The following TNXB variants were observed in gnomAD, a reference collection of about 807,000 sequenced individuals.
TNXB encodes tenascin-X.
A neutral mutation model predicts 340.5 loss-of-function variants in TNXB; 183 were observed. The ratio of observed to expected loss-of-function variants is 0.54; its 90% CI spans 0.48 to 0.61. The LOEUF is 0.61. TNXB is among the 20% of genes least tolerant of loss of function. The pLI is 0.00. For synonymous variants in TNXB, 2,121 were observed against 2,314.5 expected (o/e 0.92, Z 2.40); for missense variants, 4,613 against 5,446.4 (o/e 0.85, Z 4.82).
chr6:32,096,254 ACGG>A lies in TNXB; in HGVS notation c.1596_1598del (p.Arg533del). On this transcript the variant is annotated inframe_deletion, in exon 3 of 44. Transcript: ENST00000644971. ...CGCCATCCTCGCAAAGGCCGTGCCC[ACGG>A]CAGTCCCCGGGACAGCGACGGCTCC... 6.4e-7 allele frequency: 1 copy of A among 1,566,506 alleles called. No individual in the cohort carries two copies. Among genetic ancestry groups the A allele is most frequent in the East Asian group, 2.4e-5 (1 of 42,212 alleles).
chr6:32,089,117 G>A lies in TNXB; in HGVS notation c.2516-69C>T, dbSNP rs1779960499. On this transcript the variant is annotated intron_variant, in intron 5 of 43. Transcript: ENST00000644971. This position sits in a 1 kb window ranked among gnomAD's most constrained non-coding sequence, Gnocchi z 6.2. Reference sequence around the variant, plus strand: ...TCAATCATCATCTTTCCTTCCAAGAGCCTAGCCCCCATCCAGCCCCTTCCT... The same window carrying A: ...TCAATCATCATCTTTCCTTCCAAGAACCTAGCCCCCATCCAGCCCCTTCCT... The A allele has an allele frequency of 1.3e-6, 2 of 1,582,644 alleles. No individual in the cohort carries two copies. The highest frequency in any genetic ancestry group is 1.2e-5 in the South Asian group (1 of 85,814).
rs531217973 is a variant in TNXB at position 32,071,309 on chromosome 6, G to A, written c.4990+681C>T. ...GCCCAGACAGGCCTGAGCTAGGAGG[G>A]TGAGAACCTGGGTGAGAGTCACAGG... is the stretch of plus-strand genomic sequence containing the variant. On this transcript the variant is annotated intron_variant, in intron 13 of 43. Coordinates refer to ENST00000644971, the MANE Select transcript of TNXB (RefSeq NM_001365276.2). Among the ~76,000 whole-genome samples the A allele has an allele frequency of 7.9e-5, 12 of 152,246 alleles. No homozygotes were observed. In the South Asian group the frequency reaches 2.1e-3, roughly 26 times the overall value.
At chr6:32,053,085 G>T in intron 25 of TNXB, 92 bp from the exon 26 acceptor site, 1 of 1,361,972 alleles carries the variant, frequency 7.3e-7, no homozygotes, top group Non-Finnish European at 1.0e-6. Context: ...GGCCATGAGT[G>T]GGGGTCCTGG....
Position 32,070,727 on chromosome 6 carries a change from CAGACTGGGTCTCTATCTCCTCTT to C in TNXB, c.4991-336_4991-314del, listed in dbSNP as rs1778724351. ...TTCCCCAGCAGGGTGCAGCTTCTTACAGACTGGGTCTCTATCTCCTCTTACCCAGGAGCACACGATTTGGCCGT... is the reference window on the plus strand; with the variant it reads ...TTCCCCAGCAGGGTGCAGCTTCTTACACCCAGGAGCACACGATTTGGCCGT... On this transcript the variant is annotated intron_variant, in intron 13 of 43. Transcript: ENST00000644971. The surrounding 1 kb of genome is among the most constrained non-coding windows in gnomAD (Gnocchi z 6.0). 6.6e-6 allele frequency among the ~76,000 whole-genome samples: 1 copy of C among 152,236 alleles called. No homozygotes were observed. The highest frequency in any genetic ancestry group is 2.1e-4 in the South Asian group (1 of 4,834).
rs758839273 is a variant in TNXB, at chr6:32,052,948, G to A, written c.8837C>T (p.Ala2946Val). 1 of 1,612,664 alleles carries A rather than the reference G, an allele frequency of 6.2e-7. No homozygotes were observed. The highest frequency in any genetic ancestry group is 8.5e-7 in the Non-Finnish European group (1 of 1,179,814). ...GAGCGGCTCCTCAGGGGGCTCCGGG[G>A]CCTCCGTGCTGGGTTCTGTGGGGGC... The part of the protein sequence containing the change: ...TPAPTEPSTE[A>V]PEPPEEPLLG... The change falls in exon 26 of 44, where the codon GCC (alanine) becomes GTC (valine). Residue 2946 changes from alanine (A) to valine (V), a missense_variant. Around this residue, in one of 7 missense-constraint regions of TNXB, gnomAD observed 4,327 missense variants for 4,859.4 expected, o/e 0.89. Coordinates refer to ENST00000644971, the MANE Select transcript of TNXB (RefSeq NM_001365276.2). This position sits in a 1 kb window ranked among gnomAD's most constrained non-coding sequence, Gnocchi z 4.7.
chr6:32,046,510 C>A lies in TNXB; in HGVS notation c.10325-54G>T. The A allele has an allele frequency of 6.8e-7, 1 of 1,468,454 alleles. No individual in the cohort carries two copies. 91.0% of individuals were successfully genotyped at this position (1,468,454 alleles called of 1,614,324 possible). The stretch of plus-strand genomic sequence containing the variant: ...AGTCACATGCTGCCTTTGCCTAAGC[C>A]CTGGCAGCCTCCCGGAGGTGTGAGG... On this transcript the variant is annotated intron_variant, in intron 30 of 43. Coordinates refer to ENST00000644971, the MANE Select transcript of TNXB (RefSeq NM_001365276.2). The surrounding 1 kb of genome is among the most constrained non-coding windows in gnomAD (Gnocchi z 6.9).
intron 31 of TNXB, 197 bp downstream of exon 31, chr6:32,045,978 G>C: frequency 7.6e-7 from 1 of 1,310,656 alleles, no homozygotes; most frequent in Non-Finnish European, 9.7e-7. Context: ...TTTCCCTCCC[G>C]CCTGGCCTGG....
In TNXB at chr6:32,086,030, C is replaced by T. The variant is rs1419782201; in HGVS notation, c.2868G>A (p.Leu956=). Residue 956 remains leucine, a synonymous_variant, in exon 7 of 44, where the codon CTG becomes CTA. Coordinates refer to ENST00000644971, the MANE Select transcript of TNXB (RefSeq NM_001365276.2). ...STTQGAQAPL[L]QQRPQELGEL... ...CTCCCAGCTCCTGGGGGCGCTGCTG[C>T]AGGAGAGGAGCCTGGGCCCCTTGCG... is the stretch of plus-strand genomic sequence containing the variant. 1.2e-6 allele frequency: 2 copies of T among 1,605,358 alleles called. No homozygotes were observed. The highest frequency in any genetic ancestry group is 1.7e-6 in the Non-Finnish European group (2 of 1,177,844).
At position 32,062,451 on chromosome 6, in the gene TNXB, A is replaced by G. The variant is rs928617006; in HGVS notation, c.6874T>C (p.Ser2292Pro). The part of the protein sequence containing the change: ...PGKDEEMAPA[S>P]TEPPTPEPPI... ...GGTTCAGGGGTGGGAGGTTCTGTCG[A>G]GGCTGGGGCCATTTCTTCATCCTTT... Residue 2292 changes from serine to proline, a missense_variant, in exon 20 of 44, where the codon TCG (serine) becomes CCG (proline). Coordinates refer to ENST00000644971, the MANE Select transcript of TNXB (RefSeq NM_001365276.2). The surrounding 1 kb of genome is among the most constrained non-coding windows in gnomAD (Gnocchi z 4.3). 3.7e-6 allele frequency: 6 copies of G among 1,609,012 alleles called. No homozygotes were observed. The African/African-American group carries it at 4.0e-5, about 11-fold the overall frequency.
In TNXB at chr6:32,092,700, AAAAAAG is replaced by A. The variant is rs749748566; in HGVS notation, c.2358+2370_2358+2375del. On this transcript the variant is annotated intron_variant, in intron 4 of 43. Transcript: ENST00000644971. ...AGCAAAACTCTGTCTCAAAAAAAAA[AAAAAAG>A]AAAGAAAGAAAAGAAAAGAAATAGA... Among the ~76,000 whole-genome samples, 750 of 152,150 alleles carry A rather than the reference AAAAAAG, an allele frequency of 4.9e-3. 4 individuals carry two copies. Among genetic ancestry groups the A allele is most frequent in the Non-Finnish European group, 7.4e-3 (505 of 67,950 alleles).
intron 22 of TNXB, among the ~76,000 whole-genome samples, chr6:32,057,183 C>G (rs1250218949): frequency 6.6e-6 from 1 of 152,000 alleles, no homozygotes; most frequent in Non-Finnish European, 1.5e-5. Context: ...CCCCACTCGG[C>G]CTCTGCACCC....
At chr6:32,088,216 C>T (rs1779904792) in intron 6 of TNXB, among the ~76,000 whole-genome samples, 1 of 152,146 alleles carries the variant, frequency 6.6e-6, no homozygotes, top group South Asian at 2.1e-4. Flanking sequence ...AGAGAGAAGC[C>T]CGTGGGTGGG....
At position 32,058,455 on chromosome 6, in the gene TNXB, G is replaced by A; in HGVS notation, c.7493-65C>T. On this transcript the variant is annotated intron_variant, in intron 21 of 43. Transcript: ENST00000644971. This position sits in a 1 kb window ranked among gnomAD's most constrained non-coding sequence, Gnocchi z 5.1. ...AAGGGCAACTTGCTTTGCTGGTGCT[G>A]TCAACAGAGGTCATACATCAAATGT... 3 of 1,325,594 alleles carry A rather than the reference G, an allele frequency of 2.3e-6. No homozygotes were observed. The South Asian group carries it at 4.5e-5, about 20-fold the overall frequency. The allele number at this position is 1,325,594 out of a possible 1,614,324, so 82.1% of individuals were successfully genotyped here. A position where few individuals can be genotyped will look rare whatever the true frequency, so the allele number is the denominator to read the frequency against.
rs370240319 is a variant in TNXB at position 32,096,062 on chromosome 6, G to A, written c.1791C>T (p.His597=). Reference sequence around the variant, plus strand: ...TGCACACACCGTCCTGGCACACGCCGTGCTGGCTGCAGTCATTCGGGCACT... The same window carrying A: ...TGCACACACCGTCCTGGCACACGCCATGCTGGCTGCAGTCATTCGGGCACT... The part of the protein sequence containing the change: ...VRQCPNDCSQ[H]GVCQDGVCIC... Residue 597 remains histidine (H), a synonymous_variant, in exon 3 of 44, where the codon CAC becomes CAT. Transcript: ENST00000644971. The A allele has an allele frequency of 2.4e-5, 39 of 1,612,898 alleles. No homozygotes were observed. The highest frequency in any genetic ancestry group is 5.3e-5 in the African/African-American group (4 of 74,930).
rs1199980855 is a variant in TNXB, at chr6:32,049,285, T to C, written c.9742A>G (p.Thr3248Ala). 2 of 1,611,020 alleles carry C rather than the reference T, an allele frequency of 1.2e-6. No homozygotes were observed. Among genetic ancestry groups the C allele is most frequent in the Non-Finnish European group, 1.7e-6 (2 of 1,178,930 alleles). ...CCCCACTCACCCGTGATGCCCACGG[T>C]GGACACTGGGCCCACGCGCTGCCCC... ...HEGQRVGPVS[T>A]VGITAPLPTP... The change falls in exon 28 of 44, where the codon ACC becomes GCC. Residue 3248 changes from threonine (T) to alanine (A), a missense_variant. By Grantham distance (58) the Thr-to-Ala change is moderately conservative. Transcript: ENST00000644971. The surrounding 1 kb of genome is among the most constrained non-coding windows in gnomAD (Gnocchi z 4.5).
rs536054701 is a variant in TNXB, at chr6:32,064,637, T to G, written c.6841+184A>C. Among the ~76,000 whole-genome samples, 1 of 152,092 alleles carries G rather than the reference T, an allele frequency of 6.6e-6. No individual in the cohort carries two copies. The highest frequency in any genetic ancestry group is 1.5e-5 in the Non-Finnish European group (1 of 68,024). On this transcript the variant is annotated intron_variant, in intron 19 of 43. Transcript: ENST00000644971. The surrounding 1 kb of genome is among the most constrained non-coding windows in gnomAD (Gnocchi z 5.3). ...CCTCTTTGGGAACCCAAAAAGCCCATGTGTAACGGGCAGAAGACCTGGGGC... is the reference window on the plus strand; with the variant it reads ...CCTCTTTGGGAACCCAAAAAGCCCAGGTGTAACGGGCAGAAGACCTGGGGC...
chr6:32,095,932 C>T lies in TNXB; in HGVS notation c.1921G>A (p.Gly641Ser), dbSNP rs17201609. ...GTGGCACAGGTAGGGCCGGTGTAGC[C>T]TGGGTCGCACAGGCAGCGCCCTTCC... ...CEEGRCLCDP[G>S]YTGPTCATRM... Residue 641 changes from glycine to serine, a missense_variant, in exon 3 of 44, where the codon GGC (glycine) becomes AGC (serine). Physicochemically the swap from Gly to Ser is moderately conservative, Grantham distance 56. This residue lies in a region of TNXB where 4,327 missense variants were observed against 4,859.4 expected (regional missense o/e 0.89). Transcript: ENST00000644971. 1 of 1,612,976 alleles carries T rather than the reference C, an allele frequency of 6.2e-7. No individual in the cohort carries two copies. The highest frequency in any genetic ancestry group is 1.1e-5 in the South Asian group (1 of 91,052).
chr6:32,083,467 T>C lies in TNXB; in HGVS notation c.3445+946A>G, dbSNP rs1779591579. Among the ~76,000 whole-genome samples, 1 of 152,188 alleles carries C rather than the reference T, an allele frequency of 6.6e-6. No individual in the cohort carries two copies. Among genetic ancestry groups the C allele is most frequent in the South Asian group, 2.1e-4 (1 of 4,826 alleles). ...TCAATAAATGCACAAAAGGTATTTA[T>C]GTAAGTGTCTCTTAGATATTGATCT... On this transcript the variant is annotated intron_variant, in intron 8 of 43. Transcript: ENST00000644971. The surrounding 1 kb of genome is among the most constrained non-coding windows in gnomAD (Gnocchi z 4.6).
At position 32,056,910 on chromosome 6, in the gene TNXB, T is replaced by C. The variant is rs201330647; in HGVS notation, c.7826-7A>G. On this transcript the variant is annotated splice_region_variant and splice_polypyrimidine_tract_variant and intron_variant, in intron 22 of 43. Transcript: ENST00000644971. ...GTGGTCTCGGCTTCATCCTCTGGAG[T>C]TGGACAGACACGTGTGGGGACAGTG... 1.4e-5 allele frequency: 23 copies of C among 1,610,120 alleles called. 1 individual carries two copies. In the Admixed American group the frequency reaches 2.7e-4, roughly 19 times the overall value.
Sources: allele counts gnomAD v4.1 joint callset (sites outside exome capture counted in the v4.1 genomes callset), GRCh38; gene constraint gnomAD v4.1.1; regional missense constraint gnomAD v4.1.1; non-coding constraint Gnocchi (gnomAD v3.1); transcripts MANE v1.5; gene names NCBI Gene and HGNC (gene_info 2026-07-23, HGNC 2026-07-21).